The following CNTN5 variants were observed in gnomAD, a reference collection of about 807,000 sequenced individuals.
CNTN5 encodes the protein contactin 5.
Under a neutral mutation model 129.1 loss-of-function variants are expected in CNTN5, and 77 were observed. That is an observed-to-expected ratio of 0.60 (90% CI 0.50 to 0.72). The LOEUF (loss-of-function observed/expected upper bound fraction) is 0.72, where lower values mean the gene tolerates loss of function less well. CNTN5 is among the 30% of genes least tolerant of loss of function. The pLI is 0.00. For missense variants in CNTN5, 1,478 were observed against 1,328.8 expected (o/e 1.11, Z -1.75); for synonymous variants, 509 against 465.6 (o/e 1.09, Z -1.20).
At chr11:100,123,957 G>T (rs541563845) in intron 13 of CNTN5, among the ~76,000 whole-genome samples, 2 of 152,026 alleles carry the variant, frequency 1.3e-5, no homozygotes, top group Non-Finnish European at 2.9e-5. Flanking sequence ...GAGCTGTTAG[G>T]TAATAAAGAA....
chr11:99,833,760 C>A (rs1345891492), intron 4 of CNTN5, among the ~76,000 whole-genome samples: 1 of 152,114 alleles, frequency 6.6e-6, no homozygotes, highest in African/African-American at 2.4e-5. Context: ...ACTTGATCAT[C>A]CTGTTCAAGA....
intron 3 of CNTN5, among the ~76,000 whole-genome samples, chr11:99,739,383 G>A (rs375411529): frequency 3.9e-5 from 6 of 152,190 alleles, no homozygotes; most frequent in African/African-American, 1.4e-4. Flanking sequence ...ACATAGTAGG[G>A]AAAGTGTGAA....
intron 6 of CNTN5, among the ~76,000 whole-genome samples, chr11:99,885,046 G>T (rs1196508691): frequency 2.0e-5 from 3 of 152,068 alleles, no homozygotes; most frequent in African/African-American, 7.2e-5. Flanking sequence ...ACTCTGGGGG[G>T]GTGAGGAGAG....
At chr11:99,094,803 A>T (rs1223040464) in intron 1 of CNTN5, among the ~76,000 whole-genome samples, 1 of 151,888 alleles carries the variant, frequency 6.6e-6, no homozygotes, top group Non-Finnish European at 1.5e-5. Context: ...ATTAGCACTT[A>T]AAGTTGTGTG....
intron 3 of CNTN5, among the ~76,000 whole-genome samples, chr11:99,744,599 A>G (rs912459235): frequency 4.4e-5 from 6 of 136,368 alleles, no homozygotes; most frequent in Non-Finnish European, 7.7e-5. Flanking sequence ...AGCTGCCTGC[A>G]GTTCCAGCTA....
chr11:100,012,565 CG>C (rs1940593240), intron 9 of CNTN5, among the ~76,000 whole-genome samples: 2 of 152,092 alleles, frequency 1.3e-5, no homozygotes, highest in Non-Finnish European at 2.9e-5. Context: ...AGCTTTTCCA[CG>C]GCTGCCCTAG....
At chr11:100,161,218 G>A (rs908496493) in intron 13 of CNTN5, among the ~76,000 whole-genome samples, 9 of 151,838 alleles carry the variant, frequency 5.9e-5, no homozygotes, top group African/African-American at 2.2e-4. Context: ...CTCTTCACAA[G>A]AGAGCTGTAT....
chr11:99,932,748 GTGA>G (rs139712498), intron 7 of CNTN5, among the ~76,000 whole-genome samples: 1 of 151,958 alleles, frequency 6.6e-6, no homozygotes, highest in Non-Finnish European at 1.5e-5. Flanking sequence ...CTATAACTTA[GTGA>G]TGATGATGAT....
At chr11:99,403,482 G>A (rs2406923) in intron 2 of CNTN5, among the ~76,000 whole-genome samples, 152,126 of 152,266 alleles carry the variant, frequency 1, 75,993 homozygotes, top group Non-Finnish European at 1. Context: ...TTTTTGATGT[G>A]AGCACTTACA....
intron 7 of CNTN5, among the ~76,000 whole-genome samples, chr11:99,920,863 G>A (rs1193244274): frequency 6.6e-6 from 1 of 152,052 alleles, no homozygotes; most frequent in East Asian, 1.9e-4. Flanking sequence ...TACTTTTGAG[G>A]GGATATAAAC....
At chr11:99,471,150 A>G (rs552031559) in intron 2 of CNTN5, among the ~76,000 whole-genome samples, 427 of 13,078 alleles carry the variant, frequency 0.033, 1 homozygote, top group Non-Finnish European at 0.043. Context: ...TAATGTTGCT[A>G]AAAAAAAAAA....
At chr11:99,436,349 T>C (rs754360296) in intron 2 of CNTN5, among the ~76,000 whole-genome samples, 3 of 152,214 alleles carry the variant, frequency 2.0e-5, no homozygotes, top group African/African-American at 4.8e-5. Context: ...AGAGATTAAA[T>C]CATTTATGCT....
intron 2 of CNTN5, among the ~76,000 whole-genome samples, chr11:99,521,499 TATA>T (rs1947274806): frequency 6.6e-6 from 1 of 152,214 alleles, no homozygotes; most frequent in African/African-American, 2.4e-5. Context: ...AGAATAACAT[TATA>T]ATAATTGCAT....
intron 2 of CNTN5, among the ~76,000 whole-genome samples, chr11:99,339,684 A>T (rs1052963252): frequency 6.6e-6 from 1 of 151,992 alleles, no homozygotes; most frequent in East Asian, 1.9e-4. Context: ...AGAGAGGCTG[A>T]GGTAGGAGAA....
At chr11:99,664,296 G>T (rs918213811) in intron 3 of CNTN5, among the ~76,000 whole-genome samples, 6 of 152,058 alleles carry the variant, frequency 3.9e-5, no homozygotes, top group Admixed American at 2.0e-4. Context: ...TTCCCACTCA[G>T]TGGTCCAGTA....
chr11:99,364,930 C>G (rs1328434534), intron 2 of CNTN5, among the ~76,000 whole-genome samples: 1 of 152,048 alleles, frequency 6.6e-6, no homozygotes, highest in African/African-American at 2.4e-5. Context: ...AAATAGATCA[C>G]TCTGGTACCT....
chr11:99,178,378 A>C (rs12364368), intron 1 of CNTN5, among the ~76,000 whole-genome samples: 85,952 of 148,340 alleles, frequency 0.58, 25,170 homozygotes, highest in Middle Eastern at 0.64. Context: ...AAAATTAGCC[A>C]GGTGTGGGGC....
chr11:99,119,671 T>C (rs1350756936), intron 1 of CNTN5, among the ~76,000 whole-genome samples: 3 of 152,146 alleles, frequency 2.0e-5, no homozygotes, highest in African/African-American at 4.8e-5. Context: ...GATTGCTAGA[T>C]CAAATAGTAG....
intron 4 of CNTN5, among the ~76,000 whole-genome samples, chr11:99,829,533 C>T (rs1947071123): frequency 6.6e-6 from 1 of 152,150 alleles, no homozygotes; most frequent in Non-Finnish European, 1.5e-5. Context: ...TGGAGCAGTA[C>T]CTGGAAAGGT....
Sources: allele counts gnomAD v4.1 joint callset (sites outside exome capture counted in the v4.1 genomes callset), GRCh38; gene constraint gnomAD v4.1.1; transcripts MANE v1.5; gene names NCBI Gene and HGNC (gene_info 2026-07-23, HGNC 2026-07-21).